ANO2: variants seen among roughly 807,000 people sequenced by gnomAD.
The protein encoded by ANO2 is anoctamin-2.
A neutral mutation model predicts 124.2 loss-of-function variants in ANO2; 101 were observed. That is an observed-to-expected ratio of 0.81 (90% confidence interval 0.69 to 0.96). The LOEUF is 0.96. ANO2 is among the 40% of genes least tolerant of loss of function. The pLI is 0.00. For missense variants in ANO2, 1,293 were observed against 1,274.5 expected (o/e 1.01, Z -0.22); for synonymous variants, 486 against 482.5 (o/e 1.01, Z -0.09).
chr12:5,935,883 A>T (rs1161551072), intron 1 of ANO2, among the ~76,000 whole-genome samples: 1 of 152,218 alleles, frequency 6.6e-6, no homozygotes, highest in Non-Finnish European at 1.5e-5. Flanking sequence ...AGTCTAGAGA[A>T]TCACTAACAG....
intron 10 of ANO2, among the ~76,000 whole-genome samples, chr12:5,765,055 T>C (rs1382055474): frequency 2.0e-5 from 3 of 152,038 alleles, no homozygotes; most frequent in Non-Finnish European, 4.4e-5. Context: ...AGAGAGGCAG[T>C]CCAGGAGCCT....
intron 15 of ANO2, among the ~76,000 whole-genome samples, chr12:5,641,676 C>T (rs191563282): frequency 5.3e-5 from 8 of 152,268 alleles, no homozygotes; most frequent in Non-Finnish European, 7.4e-5. Flanking sequence ...GTTCAGTTCC[C>T]GGAACTTGCT....
intron 14 of ANO2, among the ~76,000 whole-genome samples, chr12:5,710,824 G>C (rs140195452): frequency 6.6e-6 from 1 of 152,110 alleles, no homozygotes; most frequent in South Asian, 2.1e-4. Context: ...ATAAACTGAG[G>C]CTGATAGAGT....
intron 4 of ANO2, among the ~76,000 whole-genome samples, chr12:5,851,459 G>A (rs896605216): frequency 1.2e-4 from 19 of 152,028 alleles, no homozygotes; most frequent in African/African-American, 2.2e-4. Flanking sequence ...AAGCCGAGGC[G>A]GGCAGATCAT....
At chr12:5,918,533 G>A (rs530449725) in intron 3 of ANO2, among the ~76,000 whole-genome samples, 67 of 151,134 alleles carry the variant, frequency 4.4e-4, no homozygotes, top group Non-Finnish European at 7.1e-4. Flanking sequence ...TCCACCTCCC[G>A]GGTTCAAGCG....
At chr12:5,808,990 C>T (rs1410149094) in intron 7 of ANO2, among the ~76,000 whole-genome samples, 1 of 152,182 alleles carries the variant, frequency 6.6e-6, no homozygotes, top group Admixed American at 6.5e-5. Flanking sequence ...GCTGCTCTTC[C>T]AATGAGTTGA....
intron 14 of ANO2, among the ~76,000 whole-genome samples, chr12:5,709,018 T>G (rs1949715017): frequency 6.6e-6 from 1 of 152,254 alleles, no homozygotes; most frequent in East Asian, 1.9e-4. Flanking sequence ...CATCCACAGC[T>G]GCTAGCACAG....
At chr12:5,816,217 C>G (rs1246536367) in intron 7 of ANO2, among the ~76,000 whole-genome samples, 1 of 151,462 alleles carries the variant, frequency 6.6e-6, no homozygotes, top group Non-Finnish European at 1.5e-5. Context: ...ACTCATGCTT[C>G]TCTTCCACCC....
intron 7 of ANO2, among the ~76,000 whole-genome samples, chr12:5,825,355 C>T (rs1953923862): frequency 6.6e-6 from 1 of 152,194 alleles, no homozygotes; most frequent in African/African-American, 2.4e-5. Flanking sequence ...TGCTCTGAAT[C>T]ACCATCCAAT....
At chr12:5,869,271 T>C (rs1955509751) in intron 3 of ANO2, among the ~76,000 whole-genome samples, 1 of 152,114 alleles carries the variant, frequency 6.6e-6, no homozygotes. Context: ...CAGCGAGCCC[T>C]ACCAGTCTCC....
intron 15 of ANO2, among the ~76,000 whole-genome samples, chr12:5,638,376 C>T (rs1338709337): frequency 6.7e-6 from 1 of 148,824 alleles, no homozygotes; most frequent in Non-Finnish European, 1.5e-5. Flanking sequence ...GCTGGGGCTA[C>T]AGGCACCTGC....
intron 7 of ANO2, among the ~76,000 whole-genome samples, chr12:5,826,338 T>C (rs921742631): frequency 6.6e-6 from 1 of 151,928 alleles, no homozygotes; most frequent in African/African-American, 2.4e-5. Context: ...GTCGACTTGA[T>C]TGGACTGAAA....
chr12:5,703,020 C>T (rs777296570), intron 14 of ANO2, among the ~76,000 whole-genome samples: 30 of 152,082 alleles, frequency 2.0e-4, no homozygotes, highest in East Asian at 3.9e-4. Context: ...CTAACATAGA[C>T]GCCTCCAAAA....
intron 9 of ANO2, among the ~76,000 whole-genome samples, chr12:5,800,297 G>C (rs1160473236): frequency 2.0e-5 from 3 of 152,248 alleles, no homozygotes; most frequent in African/African-American, 4.8e-5. Flanking sequence ...AAAGAACCAG[G>C]ATGGCCAGAT....
intron 14 of ANO2, among the ~76,000 whole-genome samples, chr12:5,727,254 C>T (rs1461956209): frequency 1.3e-5 from 2 of 152,024 alleles, no homozygotes; most frequent in African/African-American, 2.4e-5. Flanking sequence ...ACCACCTCCC[C>T]TATAACTCAC....
intron 14 of ANO2, among the ~76,000 whole-genome samples, chr12:5,657,172 C>T (rs7486388): frequency 0.59 from 90,081 of 152,076 alleles, 28,140 homozygotes; most frequent in East Asian, 0.96. Context: ...AAAGGACTCA[C>T]GGCAGAGTGG....
At chr12:5,650,150 G>C (rs559372601) in intron 14 of ANO2, among the ~76,000 whole-genome samples, 1 of 152,286 alleles carries the variant, frequency 6.6e-6, no homozygotes. Context: ...GCCAGGCTCT[G>C]TGCTAGATAC....
chr12:5,827,124 A>T (rs530376044), intron 7 of ANO2, among the ~76,000 whole-genome samples: 1 of 152,226 alleles, frequency 6.6e-6, no homozygotes, highest in African/African-American at 2.4e-5. Context: ...TACCTGGGCC[A>T]TCACAGATGT....
At chr12:5,849,137 C>T (rs1954784764) in intron 4 of ANO2, among the ~76,000 whole-genome samples, 1 of 152,082 alleles carries the variant, frequency 6.6e-6, no homozygotes, top group South Asian at 2.1e-4. Flanking sequence ...CAAATGAGAC[C>T]CCTTCAATAT....
Sources: allele counts gnomAD v4.1 joint callset (sites outside exome capture counted in the v4.1 genomes callset), GRCh38; gene constraint gnomAD v4.1.1; transcripts MANE v1.5; gene names NCBI Gene and HGNC (gene_info 2026-07-23, HGNC 2026-07-21).